Variants in MLYCD observed in about 807,000 individuals in gnomAD.
MLYCD encodes the protein malonyl-CoA decarboxylase, mitochondrial.
A neutral mutation model predicts 35.8 loss-of-function variants in MLYCD; 27 were observed. The observed-to-expected ratio is 0.75, with a 90% CI of 0.56 to 1.04. MLYCD has a LOEUF of 1.04. Ranked by LOEUF, MLYCD falls within the 50% of genes least tolerant of loss-of-function variation. The pLI, the probability that MLYCD is intolerant of heterozygous loss-of-function variation, is 0.00. For synonymous variants in MLYCD, 403 were observed against 302.4 expected (o/e 1.33, Z -3.45); for missense variants, 917 against 665.1 (o/e 1.38, Z -4.17).
In MLYCD at chr16:83,915,713, A is replaced by T; in HGVS notation, c.*224A>T. ...TTGTGGGTGCGGGTGCACACAAATG[A>T]GTGGGTTGCTGTGCTGTCTCCGGAA... is the stretch of plus-strand genomic sequence containing the variant. On this transcript the variant is annotated 3_prime_UTR_variant, in exon 5 of 5. Transcript: ENST00000262430. The T allele has an allele frequency of 7.0e-7, 1 of 1,425,874 alleles. No homozygotes were observed. The highest frequency in any genetic ancestry group is 1.4e-5 in the South Asian group (1 of 70,040). The allele number at this position is 1,425,874 out of a possible 1,614,324, so 88.3% of individuals were successfully genotyped here.
At chr16:83,908,463 G>C (rs1907060636) in intron 3 of MLYCD, among the ~76,000 whole-genome samples, 181 bp downstream of exon 3, 1 of 151,296 alleles carries the variant, frequency 6.6e-6, no homozygotes. Flanking sequence ...GCGTAGAAGT[G>C]TAACAGGCAG....
At chr16:83,911,973 A>G (rs1418814696) in intron 3 of MLYCD, 1 of 535,434 alleles carries the variant, frequency 1.9e-6, no homozygotes, top group African/African-American at 1.9e-5. Context: ...CAAAGTTTGC[A>G]TGAAAATTTC....
At position 83,899,267 on chromosome 16, in the gene MLYCD, C is replaced by G; in HGVS notation, c.123C>G (p.Asp41Glu). 1 of 1,451,496 alleles carries G rather than the reference C, an allele frequency of 6.9e-7. No individual in the cohort carries two copies. Among genetic ancestry groups the G allele is most frequent in the East Asian group, 3.1e-5 (1 of 32,738 alleles). 89.9% of individuals were successfully genotyped at this position (1,451,496 alleles called of 1,614,324 possible). ...QAAGALERAMDELLRRAVPPT... is the reference protein window; with the variant it reads ...QAAGALERAMEELLRRAVPPT... ...CCGGCGCCCTGGAGCGGGCCATGGA[C>G]GAGCTGCTGCGCCGCGCGGTGCCGC... Residue 41 changes from aspartate to glutamate, a missense_variant, in exon 1 of 5, where the codon GAC becomes GAG. Transcript: ENST00000262430.
chr16:83,904,010 G>A (rs912907696), intron 1 of MLYCD, among the ~76,000 whole-genome samples: 17 of 152,288 alleles, frequency 1.1e-4, no homozygotes, highest in South Asian at 2.1e-4. Context: ...ACTGAGCAAC[G>A]GAGACTTCTA....
At chr16:83,914,889 G>T (rs1005526527) in intron 4 of MLYCD, 67 bp from the exon 5 acceptor site, 2 of 1,607,896 alleles carry the variant, frequency 1.2e-6, no homozygotes, top group African/African-American at 1.3e-5. Flanking sequence ...GTGCTCCTCT[G>T]TTGGTAACGT....
In MLYCD at chr16:83,915,532, G is replaced by T. The variant is rs1318420546; in HGVS notation, c.*43G>T. The T allele has an allele frequency of 1.9e-6, 3 of 1,599,380 alleles. No homozygotes were observed. The highest frequency in any genetic ancestry group is 4.5e-5 in the East Asian group (2 of 44,856). On this transcript the variant is annotated 3_prime_UTR_variant, in exon 5 of 5. Coordinates refer to ENST00000262430, the MANE Select transcript of MLYCD (RefSeq NM_012213.3). ...AGCACAGGGCCCCGGCTAAGAAAACGATCATTTTCAGGAGGGGCCGGGAGT... is the reference window on the plus strand; with the variant it reads ...AGCACAGGGCCCCGGCTAAGAAAACTATCATTTTCAGGAGGGGCCGGGAGT...
Position 83,907,033 on chromosome 16 carries a change from C to A in MLYCD, c.575C>A (p.Ser192Tyr). 1.2e-6 allele frequency: 2 copies of A among 1,614,092 alleles called. No individual in the cohort carries two copies. The highest frequency in any genetic ancestry group is 1.1e-5 in the South Asian group (1 of 91,076). ...GGAATGCTCTCAGAATGGTTTTCCT[C>A]CGGGTTCCTGAACCTAGAACGGGTT... Reference protein sequence around the residue: ...LKGMLSEWFSSGFLNLERVTW... With the variant: ...LKGMLSEWFSYGFLNLERVTW... Residue 192 changes from serine to tyrosine, a missense_variant, in exon 2 of 5, where the codon TCC (serine) becomes TAC (tyrosine). Ser to Tyr is a moderately radical substitution (Grantham distance 144). Transcript: ENST00000262430.
chr16:83,899,388 G>C lies in MLYCD; in HGVS notation c.244G>C (p.Ala82Pro), dbSNP rs773677612. The C allele has an allele frequency of 1.3e-6, 2 of 1,527,630 alleles. No individual in the cohort carries two copies. Among genetic ancestry groups the C allele is most frequent in the Non-Finnish European group, 1.7e-6 (2 of 1,146,534 alleles). The allele number at this position is 1,527,630 out of a possible 1,614,324, so 94.6% of individuals were successfully genotyped here. A position where few individuals can be genotyped will look rare whatever the true frequency, so the allele number is the denominator to read the frequency against. The change falls in exon 1 of 5, where the codon GCC becomes CCC. Residue 82 changes from alanine (A) to proline (P), a missense_variant. Ala to Pro is a conservative substitution (Grantham distance 27). Coordinates refer to ENST00000262430, the MANE Select transcript of MLYCD (RefSeq NM_012213.3). ...VSFYGGLAET[A>P]QRAELLGRLA... ...CTTCTACGGTGGGCTGGCCGAGACG[G>C]CCCAGCGGGCCGAACTGCTGGGCCG...
Position 83,915,743 on chromosome 16 carries a change from C to T in MLYCD, c.*254C>T. 3 of 1,371,652 alleles carry T rather than the reference C, an allele frequency of 2.2e-6. No homozygotes were observed. Among genetic ancestry groups the T allele is most frequent in the Non-Finnish European group, 2.8e-6 (3 of 1,058,410 alleles). The allele number at this position is 1,371,652 out of a possible 1,614,324, so 85.0% of individuals were successfully genotyped here. A position where few individuals can be genotyped will look rare whatever the true frequency, so the allele number is the denominator to read the frequency against. The stretch of plus-strand genomic sequence containing the variant: ...GTTGCTGTGCTGTCTCCGGAAGATT[C>T]TGTCGTTGCCCTTGGCCTGGCTCCC... On this transcript the variant is annotated 3_prime_UTR_variant, in exon 5 of 5. Coordinates refer to ENST00000262430, the MANE Select transcript of MLYCD (RefSeq NM_012213.3).
At chr16:83,912,610 G>T (rs1907220498) in intron 4 of MLYCD, 3 of 549,530 alleles carry the variant, frequency 5.5e-6, no homozygotes, top group Non-Finnish European at 9.8e-6. Flanking sequence ...GCAAGACGCA[G>T]TTGTATTCTG....
chr16:83,908,466 ACAGG>A (rs1304298899), intron 3 of MLYCD, among the ~76,000 whole-genome samples, 184 bp downstream of exon 3: 10 of 151,248 alleles, frequency 6.6e-5, no homozygotes, highest in Admixed American at 6.6e-4. Context: ...TAGAAGTGTA[ACAGG>A]CAGACAGTTA....
At chr16:83,911,652 A>G (rs1166947109) in intron 3 of MLYCD, 3 of 157,272 alleles carry the variant, frequency 1.9e-5, no homozygotes, top group Non-Finnish European at 2.8e-5. Flanking sequence ...CATTTAGGAA[A>G]AACAGAAATG....
intron 1 of MLYCD, among the ~76,000 whole-genome samples, chr16:83,904,963 C>G (rs1308428127): frequency 6.6e-6 from 1 of 152,244 alleles, no homozygotes; most frequent in Non-Finnish European, 1.5e-5. Context: ...CTTTCGTGCC[C>G]TAGTGCTTAA....
rs774263531 is a variant in MLYCD at position 83,915,384 on chromosome 16, G to A, written c.1377G>A (p.Glu459=). Residue 459 remains glutamate, a synonymous_variant, in exon 5 of 5, where the codon GAG becomes GAA. Transcript: ENST00000262430. ...GLMANYRYFL[E]ETGPNSTSYL... Reference sequence around the variant, plus strand: ...TGGCCAACTACCGCTACTTCCTGGAGGAGACGGGCCCCAACAGCACCTCCT... The same window carrying A: ...TGGCCAACTACCGCTACTTCCTGGAAGAGACGGGCCCCAACAGCACCTCCT... The A allele has an allele frequency of 1.2e-6, 2 of 1,613,962 alleles. No individual in the cohort carries two copies. Among genetic ancestry groups the A allele is most frequent in the Admixed American group, 3.3e-5 (2 of 60,028 alleles).
rs185220458 is a variant in MLYCD at position 83,900,872 on chromosome 16, A to T, written c.528+1200A>T. Among the ~76,000 whole-genome samples, 82 of 152,308 alleles carry T rather than the reference A, an allele frequency of 5.4e-4. 1 individual carries two copies. The highest frequency in any genetic ancestry group is 5.0e-3 in the Admixed American group (76 of 15,296). ...AAGGAGAACATGCTGAGGTTGTGTT[A>T]CTTGTCCTGAAATTCAGAGCGAAAA... is the stretch of plus-strand genomic sequence containing the variant. On this transcript the variant is annotated intron_variant, in intron 1 of 4. Transcript: ENST00000262430.
rs1204612891 is a variant in MLYCD, at chr16:83,899,298, C to G, written c.154C>G (p.Pro52Ala). 1.3e-6 allele frequency: 2 copies of G among 1,482,484 alleles called. No individual in the cohort carries two copies. The highest frequency in any genetic ancestry group is 2.9e-5 in the East Asian group (1 of 34,390). 91.8% of individuals were successfully genotyped at this position (1,482,484 alleles called of 1,614,324 possible). The change falls in exon 1 of 5, where the codon CCG (proline) becomes GCG (alanine). Residue 52 changes from proline to alanine, a missense_variant. Coordinates refer to ENST00000262430, the MANE Select transcript of MLYCD (RefSeq NM_012213.3). Reference sequence around the variant, plus strand: ...GCTGCGCCGCGCGGTGCCGCCGACGCCGGCCTACGAGCTGCGCGAGAAGAC... The same window carrying G: ...GCTGCGCCGCGCGGTGCCGCCGACGGCGGCCTACGAGCTGCGCGAGAAGAC... ...ELLRRAVPPTPAYELREKTPA... is the reference protein window; with the variant it reads ...ELLRRAVPPTAAYELREKTPA...
rs1907793279 is a variant in MLYCD, at chr16:83,925,949, A to T, written c.*10460A>T. On this transcript the variant is annotated 3_prime_UTR_variant, in exon 5 of 5. Coordinates refer to ENST00000262430, the MANE Select transcript of MLYCD (RefSeq NM_012213.3). Reference sequence around the variant, plus strand: ...AGTTTCATGTGTGTATCTCCACTAGACTAGACGCTCTCTGAGGGCAGGGAC... The same window carrying T: ...AGTTTCATGTGTGTATCTCCACTAGTCTAGACGCTCTCTGAGGGCAGGGAC... 6.6e-6 allele frequency: 1 copy of T among 152,206 alleles called. No homozygotes were observed. Among genetic ancestry groups the T allele is most frequent in the African/African-American group, 2.4e-5 (1 of 41,430 alleles). 9.4% of individuals were successfully genotyped at this position (152,206 alleles called of 1,614,324 possible). A position where few individuals can be genotyped will look rare whatever the true frequency, so the allele number is the denominator to read the frequency against.
At position 83,899,466 on chromosome 16, in the gene MLYCD, G is replaced by T. The variant is rs1906696637; in HGVS notation, c.322G>T (p.Gly108Cys). 1.3e-6 allele frequency: 2 copies of T among 1,544,946 alleles called. No individual in the cohort carries two copies. Among genetic ancestry groups the T allele is most frequent in the South Asian group, 2.3e-5 (2 of 85,170 alleles). Residue 108 changes from glycine to cysteine, a missense_variant, in exon 1 of 5, where the codon GGC becomes TGC. Physicochemically the swap from Gly to Cys is radical, Grantham distance 159. Coordinates refer to ENST00000262430, the MANE Select transcript of MLYCD (RefSeq NM_012213.3). ...CGGCCAGGTGGCGGAGCAGAGCGCC[G>T]GCGTGCTCCATCTGCGCCAGCAGCA... The part of the protein sequence containing the change: ...DHGQVAEQSA[G>C]VLHLRQQQRE...
rs1907337741 is a variant in MLYCD, at chr16:83,915,300, G to C, written c.1293G>C (p.Trp431Cys). 6 of 1,613,734 alleles carry C rather than the reference G, an allele frequency of 3.7e-6. No individual in the cohort carries two copies. In the African/African-American group the frequency reaches 6.7e-5, roughly 18 times the overall value. ...NFHLQNGAVLWRINWMADVSL... is the reference protein window; with the variant it reads ...NFHLQNGAVLCRINWMADVSL... The stretch of plus-strand genomic sequence containing the variant: ...ACCTGCAGAACGGGGCGGTGCTGTG[G>C]CGCATCAACTGGATGGCGGATGTGA... The change falls in exon 5 of 5, where the codon TGG becomes TGC. Residue 431 changes from tryptophan to cysteine, a missense_variant. By Grantham distance (215) the Trp-to-Cys change is radical (BLOSUM62 -2). Coordinates refer to ENST00000262430, the MANE Select transcript of MLYCD (RefSeq NM_012213.3).
Sources: allele counts gnomAD v4.1 joint callset (sites outside exome capture counted in the v4.1 genomes callset), GRCh38; gene constraint gnomAD v4.1.1; transcripts MANE v1.5; gene names NCBI Gene and HGNC (gene_info 2026-07-23, HGNC 2026-07-21).